MATN3: variants seen among roughly 807,000 people sequenced by gnomAD.
The protein encoded by MATN3 is matrilin 3, also known as matrilin-3.
In MATN3, 48 loss-of-function variants were observed where a neutral mutation model predicts 45.3. The observed-to-expected ratio is 1.06, with a 90% CI of 0.84 to 1.35. MATN3 has a LOEUF of 1.35. MATN3 is among the 40% of genes most tolerant of loss of function. The pLI is 0.00. For missense variants in MATN3, 599 were observed against 628.0 expected (o/e 0.95, Z 0.49); for synonymous variants, 217 against 245.9 (o/e 0.88, Z 1.10).
Position 20,006,108 on chromosome 2 carries a change from A to T in MATN3, c.426T>A (p.Asp142Glu). Residue 142 changes from aspartate (D) to glutamate (E), a missense_variant, in exon 2 of 8, where the codon GAT (aspartate) becomes GAA (glutamate). Asp to Glu is a conservative substitution (Grantham distance 45, BLOSUM62 2). Transcript: ENST00000407540. ...KIEFQLQAYT[D>E]KQSLKQAVGR... ...CCACGGCCTGCTTCAGGGACTGCTT[A>T]TCTGTGTAGGCCTGGAGTTGGAACT... 6.2e-7 allele frequency: 1 copy of T among 1,613,994 alleles called. No homozygotes were observed. Among genetic ancestry groups the T allele is most frequent in the Non-Finnish European group, 8.5e-7 (1 of 1,179,880 alleles).
Position 19,995,897 on chromosome 2 carries a change from C to G in MATN3, c.1294+1237G>C, listed in dbSNP as rs1369833820. ...CTATCATCTATCCACCTGTCTGAAT[C>G]CTATTGAACCTTTTAGGGACAGCCA... is the stretch of plus-strand genomic sequence containing the variant. On this transcript the variant is annotated intron_variant, in intron 6 of 7. Coordinates refer to ENST00000407540, the MANE Select transcript of MATN3 (RefSeq NM_002381.5). The surrounding 1 kb of genome is among the most constrained non-coding windows in gnomAD (Gnocchi z 4.2). Among the ~76,000 whole-genome samples the G allele has an allele frequency of 6.6e-6, 1 of 152,172 alleles. No individual in the cohort carries two copies. The highest frequency in any genetic ancestry group is 2.4e-5 in the African/African-American group (1 of 41,434).
chr2:20,006,545 C>G (rs753330859), intron 1 of MATN3, among the ~76,000 whole-genome samples: 63 of 152,206 alleles, frequency 4.1e-4, no homozygotes, highest in Admixed American at 3.4e-3. Context: ...CACCTGCAGG[C>G]TGGCTGAATC....
intron 1 of MATN3, among the ~76,000 whole-genome samples, chr2:20,009,930 T>C (rs886243654): frequency 1.3e-5 from 2 of 152,062 alleles, no homozygotes; most frequent in Non-Finnish European, 2.9e-5. Flanking sequence ...ATTTGATTGA[T>C]GTCTCATACC....
At position 19,992,969 on chromosome 2, in the gene MATN3, A is replaced by G. The variant is rs1416800412; in HGVS notation, c.*142T>C. The G allele has an allele frequency of 3.0e-6, 2 of 676,096 alleles. No individual in the cohort carries two copies. The highest frequency in any genetic ancestry group is 5.2e-6 in the Non-Finnish European group (2 of 383,342). 41.9% of individuals were successfully genotyped at this position (676,096 alleles called of 1,614,324 possible). The stretch of plus-strand genomic sequence containing the variant: ...TGATTCTGCAGAAGATCTTCATACA[A>G]TTTATCCAGTAATATTCAAGCATTA... On this transcript the variant is annotated 3_prime_UTR_variant, in exon 8 of 8. Coordinates refer to ENST00000407540, the MANE Select transcript of MATN3 (RefSeq NM_002381.5).
rs1558376342 is a variant in MATN3 at position 20,010,066 on chromosome 2, C to CAAAA, written c.223+2342_223+2343insTTTT. Among the ~76,000 whole-genome samples, 46 of 5,560 alleles carry CAAAA rather than the reference C, an allele frequency of 8.3e-3. 1 individual carries two copies. Among genetic ancestry groups the CAAAA allele is most frequent in the Admixed American group, 0.023 (8 of 350 alleles). The allele number at this position is 5,560 out of a possible 152,430, so 3.6% of individuals were successfully genotyped here. A position where few individuals can be genotyped will look rare whatever the true frequency, so the allele number is the denominator to read the frequency against. ...GTCTCAGAATAAATCTCTTCAAATA[C>CAAAA]TAAAAAAAAAAAAAAAAAAAAAAAC... is the stretch of plus-strand genomic sequence containing the variant. On this transcript the variant is annotated intron_variant, in intron 1 of 7. Coordinates refer to ENST00000407540, the MANE Select transcript of MATN3 (RefSeq NM_002381.5).
rs954003362 is a variant in MATN3, at chr2:20,012,566, C to T, written c.66G>A (p.Leu22=). ...CGGGGTCGGGGGCGGCGGAGGGCAG[C>T]AGCAGCAGCGGCCAGAGCAGCAGGA... ...GLLLLLWPLL[L]LPSAAPDPVA... Residue 22 remains leucine, a synonymous_variant, in exon 1 of 8, where the codon CTG becomes CTA. Transcript: ENST00000407540. This position sits in a 1 kb window ranked among gnomAD's most constrained non-coding sequence, Gnocchi z 4.3. 3 of 1,226,944 alleles carry T rather than the reference C, an allele frequency of 2.4e-6. No individual in the cohort carries two copies. Among genetic ancestry groups the T allele is most frequent in the Non-Finnish European group, 1.0e-6 (1 of 985,748 alleles). The allele number at this position is 1,226,944 out of a possible 1,614,324, so 76.0% of individuals were successfully genotyped here. A position where few individuals can be genotyped will look rare whatever the true frequency, so the allele number is the denominator to read the frequency against.
Position 20,012,606 on chromosome 2 carries a change from C to A in MATN3, c.26G>T (p.Arg9Leu). MPRPAPAR[R>L]LPGLLLLLWP... is the part of the protein sequence containing the mutation. ...GAGCAGCAGGAGGAGTCCCGGGAGG[C>A]GGCGCGCGGGGGCCGGGCGCGGCAT... Residue 9 changes from arginine to leucine, a missense_variant, in exon 1 of 8, where the codon CGC (arginine) becomes CTC (leucine). By Grantham distance (102) the Arg-to-Leu change is moderately radical. Transcript: ENST00000407540. This position sits in a 1 kb window ranked among gnomAD's most constrained non-coding sequence, Gnocchi z 4.3. The A allele has an allele frequency of 2.5e-6, 3 of 1,220,942 alleles. No individual in the cohort carries two copies. The highest frequency in any genetic ancestry group is 3.1e-6 in the Non-Finnish European group (3 of 981,528). The allele number at this position is 1,220,942 out of a possible 1,614,324, so 75.6% of individuals were successfully genotyped here.
intron 1 of MATN3, among the ~76,000 whole-genome samples, chr2:20,010,169 TG>T (rs1004672656): frequency 6.6e-6 from 1 of 150,880 alleles, no homozygotes; most frequent in Non-Finnish European, 1.5e-5. Flanking sequence ...AAATCTTTCC[TG>T]GAGATGGGTC....
chr2:19,994,877 C>T (rs1672831282), intron 6 of MATN3, among the ~76,000 whole-genome samples: 2 of 152,016 alleles, frequency 1.3e-5, no homozygotes, highest in East Asian at 1.9e-4. Flanking sequence ...TCACTTGAGG[C>T]CAGGAGTTCA....
intron 5 of MATN3, 110 bp from the exon 6 acceptor site, chr2:19,997,369 T>C: frequency 8.9e-7 from 1 of 1,118,716 alleles, no homozygotes. Context: ...GCTGAGAATG[T>C]AGTAGTCAGT....
At position 20,006,325 on chromosome 2, in the gene MATN3, G is replaced by A; in HGVS notation, c.224-15C>T. The A allele has an allele frequency of 2.7e-6, 4 of 1,500,148 alleles. No homozygotes were observed. The highest frequency in any genetic ancestry group is 3.6e-6 in the Non-Finnish European group (4 of 1,122,584). 92.9% of individuals were successfully genotyped at this position (1,500,148 alleles called of 1,614,324 possible). A position where few individuals can be genotyped will look rare whatever the true frequency, so the allele number is the denominator to read the frequency against. ...CTTGCAAACACCTGCAAAAGACCAA[G>A]CAATGATCAGACCACAATTAGAAAT... On this transcript the variant is annotated splice_polypyrimidine_tract_variant and intron_variant, in intron 1 of 7. Transcript: ENST00000407540.
chr2:19,996,598 T>G (rs1481999810), intron 6 of MATN3, among the ~76,000 whole-genome samples: 1 of 152,226 alleles, frequency 6.6e-6, no homozygotes. Flanking sequence ...AAGAGCCCAC[T>G]GTGGCTGGAC....
chr2:19,997,307 A>C (rs762761019), intron 5 of MATN3, 48 bp from the exon 6 acceptor site: 10 of 1,537,284 alleles, frequency 6.5e-6, no homozygotes, highest in Non-Finnish European at 8.8e-6. Context: ...ATTAAATAGA[A>C]AAGTAAACAC....
In MATN3 at chr2:20,006,010, G is replaced by A; in HGVS notation, c.524C>T (p.Thr175Ile). The change falls in exon 2 of 8, where the codon ACA becomes ATA. Residue 175 changes from threonine (T) to isoleucine (I), a missense_variant. Transcript: ENST00000407540. ...AIQTAMDEAF[T>I]VEAGAREPSS... ...GGGCTCTCGAGCCCCTGCCTCCACTGTGAAGGCTTCGTCCATTGCTGTCTG... is the reference window on the plus strand; with the variant it reads ...GGGCTCTCGAGCCCCTGCCTCCACTATGAAGGCTTCGTCCATTGCTGTCTG... 6.2e-7 allele frequency: 1 copy of A among 1,614,030 alleles called. No homozygotes were observed. Among genetic ancestry groups the A allele is most frequent in the Non-Finnish European group, 8.5e-7 (1 of 1,179,892 alleles).
At chr2:20,010,082 A>AAAAAAAAAAAAAAAAAAAAAAAAAC (rs1673190865) in intron 1 of MATN3, among the ~76,000 whole-genome samples, 1 of 149,974 alleles carries the variant, frequency 6.7e-6, no homozygotes, top group African/African-American at 2.4e-5. Flanking sequence ...AAAAAAAAAA[A>AAAAAAAAAAAAAAAAAAAAAAAAAC]AAAAAAAACC....
Position 19,997,501 on chromosome 2 carries a change from A to G in MATN3, c.1169-242T>C, listed in dbSNP as rs1672900137. 1.1e-5 allele frequency: 4 copies of G among 366,366 alleles called. No homozygotes were observed. The South Asian group carries it at 1.7e-4, about 15-fold the overall frequency. 22.7% of individuals were successfully genotyped at this position (366,366 alleles called of 1,614,324 possible). On this transcript the variant is annotated intron_variant, in intron 5 of 7. Coordinates refer to ENST00000407540, the MANE Select transcript of MATN3 (RefSeq NM_002381.5). ...ATATCTCTCACAGATATCTAAGGGT[A>G]CCTTTCCTTTTTTTCTACCCACAGC...
At position 19,995,986 on chromosome 2, in the gene MATN3, A is replaced by G. The variant is rs527361229; in HGVS notation, c.1294+1148T>C. Among the ~76,000 whole-genome samples, 1 of 152,326 alleles carries G rather than the reference A, an allele frequency of 6.6e-6. No individual in the cohort carries two copies. The highest frequency in any genetic ancestry group is 2.1e-4 in the South Asian group (1 of 4,828). On this transcript the variant is annotated intron_variant, in intron 6 of 7. Coordinates refer to ENST00000407540, the MANE Select transcript of MATN3 (RefSeq NM_002381.5). The surrounding 1 kb of genome is among the most constrained non-coding windows in gnomAD (Gnocchi z 4.2). ...GAAGTATCTATTGAAGATCAACTAC[A>G]TGTCCATTATCCCTGTACCCATAAG...
chr2:19,993,260 C>T (rs1392706685), intron 7 of MATN3, 94 bp from the exon 8 acceptor site: 3 of 961,368 alleles, frequency 3.1e-6, no homozygotes, highest in East Asian at 2.5e-5. Context: ...TAATTATGTC[C>T]TATGAGAAGT....
At chr2:20,010,236 A>G (rs770354255) in intron 1 of MATN3, among the ~76,000 whole-genome samples, 9 of 151,962 alleles carry the variant, frequency 5.9e-5, no homozygotes, top group Middle Eastern at 6.3e-3. Context: ...GAAGATATGA[A>G]CTCTGTAATT....
Sources: allele counts gnomAD v4.1 joint callset (sites outside exome capture counted in the v4.1 genomes callset), GRCh38; gene constraint gnomAD v4.1.1; non-coding constraint Gnocchi (gnomAD v3.1); transcripts MANE v1.5; gene names NCBI Gene and HGNC (gene_info 2026-07-23, HGNC 2026-07-21).